Variants in ADAMTS9 observed in about 807,000 individuals in gnomAD.
ADAMTS9 encodes A disintegrin and metalloproteinase with thrombospondin motifs 9.
In ADAMTS9, 107 loss-of-function variants were observed where a neutral mutation model predicts 257.1. The observed-to-expected ratio is 0.42, with a 90% CI of 0.36 to 0.49. ADAMTS9 has a LOEUF of 0.49. Ranked by LOEUF, ADAMTS9 falls within the 20% of genes least tolerant of loss-of-function variation. The probability of loss-of-function intolerance (pLI) is 0.03; values close to 1 mark genes in which losing one functional copy is unlikely to be tolerated. For missense variants in ADAMTS9, 2,353 were observed against 2,469.1 expected, an observed-to-expected ratio of 0.95 and a Z score of 1.00; for synonymous variants, 982 against 880.9, an observed-to-expected ratio of 1.11 and a Z score of -2.03.
intron 11 of ADAMTS9, among the ~76,000 whole-genome samples, chr3:64,647,383 G>GT (rs1700824377): frequency 6.6e-6 from 1 of 152,142 alleles, no homozygotes; most frequent in Non-Finnish European, 1.5e-5. Context: ...AGCAGATTTT[G>GT]TTTATCTATT....
chr3:64,532,732 C>A (rs906488836), intron 38 of ADAMTS9, among the ~76,000 whole-genome samples: 1 of 152,106 alleles, frequency 6.6e-6, no homozygotes, highest in Non-Finnish European at 1.5e-5. Flanking sequence ...CCAGATATAT[C>A]GCTTAATAAG....
At position 64,654,556 on chromosome 3, in the gene ADAMTS9, C is replaced by T. The variant is rs9844661; in HGVS notation, c.1210+16G>A. 4.0e-3 allele frequency: 6,455 copies of T among 1,613,876 alleles called. 188 individuals are homozygous for T. In the African/African-American group the frequency reaches 0.068, roughly 17 times the overall value. ...AAAACGGTTTTAGCCATAGAAGATA[C>T]GCACAGAGAACTCACCTAAGGTATC... On this transcript the variant is annotated intron_variant, in intron 7 of 39. Coordinates refer to ENST00000498707, the MANE Select transcript of ADAMTS9 (RefSeq NM_182920.2).
chr3:64,685,591 TG>T (rs1037639768), intron 2 of ADAMTS9, among the ~76,000 whole-genome samples: 2 of 151,988 alleles, frequency 1.3e-5, no homozygotes, highest in African/African-American at 4.8e-5. Context: ...CGTGGAGAAG[TG>T]GGGGGCAGAT....
chr3:64,520,006 CT>C (rs2082829423), intron 39 of ADAMTS9, among the ~76,000 whole-genome samples: 2 of 152,162 alleles, frequency 1.3e-5, no homozygotes, highest in Admixed American at 6.5e-5. Context: ...GTCAAATTAT[CT>C]TCCTTCACTG....
intron 39 of ADAMTS9, among the ~76,000 whole-genome samples, chr3:64,517,415 G>GTTTTTTTTTTTTTTTTT (rs1242670245): frequency 2.5e-3 from 29 of 11,558 alleles, no homozygotes; most frequent in South Asian, 8.1e-3. Flanking sequence ...AATTAAAAAT[G>GTTTTTTTTTTTTTTTTT]GTTTTTTTTT....
intron 19 of ADAMTS9, among the ~76,000 whole-genome samples, chr3:64,618,920 C>T (rs914346459): frequency 2.4e-4 from 37 of 152,074 alleles, no homozygotes; most frequent in African/African-American, 8.7e-4. Flanking sequence ...GCTTCCAATG[C>T]AGGAGAAACT....
intron 38 of ADAMTS9, among the ~76,000 whole-genome samples, chr3:64,532,518 G>T (rs1274566574): frequency 6.6e-6 from 1 of 152,102 alleles, no homozygotes; most frequent in Non-Finnish European, 1.5e-5. Flanking sequence ...GCACAGCACA[G>T]TGTTTCTCAA....
chr3:64,627,756 C>G (rs1458359729), intron 16 of ADAMTS9, among the ~76,000 whole-genome samples: 2 of 152,110 alleles, frequency 1.3e-5, no homozygotes, highest in Admixed American at 1.3e-4. Flanking sequence ...AAGGCCCTCT[C>G]TCCTGGAAAT....
intron 28 of ADAMTS9, among the ~76,000 whole-genome samples, chr3:64,593,961 A>ATG (rs200112357): frequency 0.44 from 47,687 of 107,710 alleles, 9,351 homozygotes; most frequent in Middle Eastern, 0.5. Context: ...TGTGTGTATG[A>ATG]TGTGTGTGTG....
rs1167921127 is a variant in ADAMTS9, at chr3:64,596,921, GCGGTGTATCCATTTT to G, written c.4073_4087del (p.Glu1358_Thr1362del). 1 of 1,609,432 alleles carries G rather than the reference GCGGTGTATCCATTTT, an allele frequency of 6.2e-7. No individual in the cohort carries two copies. The highest frequency in any genetic ancestry group is 8.5e-7 in the Non-Finnish European group (1 of 1,176,868). On this transcript the variant is annotated inframe_deletion, in exon 27 of 40. Transcript: ENST00000498707. The stretch of plus-strand genomic sequence containing the variant: ...TTTTATTCTCTCCACACAGTCGTTT[GCGGTGTATCCATTTT>G]CATCCTGACATACAACAACACGCCG...
At chr3:64,602,580 C>T (rs1410864291) in intron 25 of ADAMTS9, among the ~76,000 whole-genome samples, 1 of 152,188 alleles carries the variant, frequency 6.6e-6, no homozygotes, top group Admixed American at 6.5e-5. Context: ...TCACTGCACT[C>T]CAGCTATGCT....
In ADAMTS9 at chr3:64,615,869, C is replaced by A. The variant is rs1043489915; in HGVS notation, c.3024+91G>T. ...ATCAATCACGGTCATCTCTTCCGCA[C>A]AGCCTAAATGGGGCTTACACACCTG... On this transcript the variant is annotated intron_variant, in intron 20 of 39. Transcript: ENST00000498707. The A allele has an allele frequency of 2.7e-6, 4 of 1,468,574 alleles. No homozygotes were observed. In the East Asian group the frequency reaches 6.8e-5, roughly 25 times the overall value. 91.0% of individuals were successfully genotyped at this position (1,468,574 alleles called of 1,614,324 possible).
rs1346440662 is a variant in ADAMTS9 at position 64,522,352 on chromosome 3, G to A, written c.5719-92C>T. 4.6e-6 allele frequency: 5 copies of A among 1,087,920 alleles called. No homozygotes were observed. In the African/African-American group the frequency reaches 7.8e-5, roughly 17 times the overall value. 67.4% of individuals were successfully genotyped at this position (1,087,920 alleles called of 1,614,324 possible). On this transcript the variant is annotated intron_variant, in intron 38 of 39. Transcript: ENST00000498707. ...TTGGGAAAACGTTCTTATACACACA[G>A]TAAACAGGCCTTCTGAACTGATGTG... is the stretch of plus-strand genomic sequence containing the variant.
Position 64,686,669 on chromosome 3 carries a change from A to T in ADAMTS9, c.415T>A (p.Phe139Ile). 1 of 1,614,176 alleles carries T rather than the reference A, an allele frequency of 6.2e-7. No homozygotes were observed. The highest frequency in any genetic ancestry group is 8.5e-7 in the Non-Finnish European group (1 of 1,180,034). Residue 139 changes from phenylalanine to isoleucine, a missense_variant, in exon 2 of 40, where the codon TTT (phenylalanine) becomes ATT (isoleucine). Around this residue, in one of 3 missense-constraint regions of ADAMTS9, gnomAD observed 591 missense variants for 569.6 expected, o/e 1.04. Transcript: ENST00000498707. The surrounding 1 kb of genome is among the most constrained non-coding windows in gnomAD (Gnocchi z 4.6). ...AGTTCCGCTTCCTCTTCGGAATAAA[A>T]CTTGGTCTGATTCACCCCGGGCGTC... is the stretch of plus-strand genomic sequence containing the variant. ...LGTPGVNQTK[F>I]YSEEEAELKH...
Position 64,516,856 on chromosome 3 carries a change from G to T in ADAMTS9, c.*271C>A, listed in dbSNP as rs192571010. 3 of 152,466 alleles carry T rather than the reference G, an allele frequency of 2.0e-5. No homozygotes were observed. Among genetic ancestry groups the T allele is most frequent in the African/African-American group, 7.2e-5 (3 of 41,388 alleles). 9.4% of individuals were successfully genotyped at this position (152,466 alleles called of 1,614,324 possible). The stretch of plus-strand genomic sequence containing the variant: ...GGCAGTCATAATAGAATCATTTTAC[G>T]TACAAAAATATTACATCACAATAAA... On this transcript the variant is annotated 3_prime_UTR_variant, in exon 40 of 40. Coordinates refer to ENST00000498707, the MANE Select transcript of ADAMTS9 (RefSeq NM_182920.2).
chr3:64,532,112 A>G (rs1182161084), intron 38 of ADAMTS9, among the ~76,000 whole-genome samples: 1 of 152,228 alleles, frequency 6.6e-6, no homozygotes, highest in Non-Finnish European at 1.5e-5. Context: ...AGGTGATTCT[A>G]CTATACACCC....
At chr3:64,529,526 T>C (rs1187050521) in intron 38 of ADAMTS9, among the ~76,000 whole-genome samples, 2 of 152,196 alleles carry the variant, frequency 1.3e-5, no homozygotes, top group East Asian at 3.8e-4. Context: ...GTATTATAAC[T>C]GGCCAGGGTC....
intron 3 of ADAMTS9, among the ~76,000 whole-genome samples, chr3:64,662,068 G>A (rs1045926044): frequency 2.0e-5 from 3 of 152,028 alleles, no homozygotes; most frequent in Middle Eastern, 3.4e-3. Flanking sequence ...CAGCTCTAAA[G>A]TTTCTTCTAA....
Position 64,519,657 on chromosome 3 carries a change from T to C in ADAMTS9, c.*5+2509A>G, listed in dbSNP as rs1302038162. On this transcript the variant is annotated intron_variant, in intron 39 of 39. Transcript: ENST00000498707. ...GGATCATTCAACATATGCAAGTCAA[T>C]AAATGTGATTCACCACACAAACAAT... Among the ~76,000 whole-genome samples, 8 of 152,160 alleles carry C rather than the reference T, an allele frequency of 5.3e-5. No homozygotes were observed. The East Asian group carries it at 7.7e-4, about 15-fold the overall frequency.
Sources: allele counts gnomAD v4.1 joint callset (sites outside exome capture counted in the v4.1 genomes callset), GRCh38; gene constraint gnomAD v4.1.1; regional missense constraint gnomAD v4.1.1; non-coding constraint Gnocchi (gnomAD v3.1); transcripts MANE v1.5; gene names NCBI Gene and HGNC (gene_info 2026-07-23, HGNC 2026-07-21).